CHD6: variants seen among roughly 807,000 people sequenced by gnomAD.
CHD6 encodes chromodomain helicase DNA binding protein 6.
A neutral mutation model predicts 276.9 loss-of-function variants in CHD6; 50 were observed. The ratio of observed to expected loss-of-function variants is 0.18; its 90% CI spans 0.14 to 0.23. CHD6 has a LOEUF of 0.23. CHD6 is among the 10% of genes least tolerant of loss of function. The pLI, the probability that CHD6 is intolerant of heterozygous loss-of-function variation, is 1.00. For missense variants in CHD6, 2,564 were observed against 3,365.8 expected (o/e 0.76, Z 5.89); for synonymous variants, 1,173 against 1,229.3 (o/e 0.95, Z 0.96).
At chr20:41,592,124 A>G (rs538031821) in intron 1 of CHD6, among the ~76,000 whole-genome samples, 9 of 152,158 alleles carry the variant, frequency 5.9e-5, no homozygotes, top group Non-Finnish European at 1.3e-4. Flanking sequence ...AAGAATTTCA[A>G]ATCAGACTCC....
chr20:41,566,103 C>T (rs2045352687), intron 1 of CHD6, among the ~76,000 whole-genome samples: 1 of 152,134 alleles, frequency 6.6e-6, no homozygotes, highest in Non-Finnish European at 1.5e-5. Flanking sequence ...AAAAAATTCA[C>T]TCCCATCTCC....
intron 27 of CHD6, among the ~76,000 whole-genome samples, chr20:41,426,495 C>G (rs1328890165): frequency 6.6e-6 from 1 of 152,102 alleles, no homozygotes; most frequent in Non-Finnish European, 1.5e-5. Context: ...TTTGCCTTAC[C>G]ATCGTCACTT....
chr20:41,505,650 T>A (rs760106498), intron 5 of CHD6, among the ~76,000 whole-genome samples: 15 of 152,260 alleles, frequency 9.9e-5, no homozygotes, highest in East Asian at 9.6e-4. Flanking sequence ...ATATATATAT[T>A]TTTTCCAATA....
intron 1 of CHD6, among the ~76,000 whole-genome samples, chr20:41,591,496 G>C (rs928039062): frequency 6.6e-6 from 1 of 151,604 alleles, no homozygotes. Context: ...TTCAAGACCA[G>C]CCTGGCCAAC....
chr20:41,512,184 C>T (rs1267936103), intron 5 of CHD6, among the ~76,000 whole-genome samples: 1 of 151,404 alleles, frequency 6.6e-6, no homozygotes, highest in Non-Finnish European at 1.5e-5. Flanking sequence ...ATGTTGATCT[C>T]GAACTCCTGG....
intron 6 of CHD6, among the ~76,000 whole-genome samples, chr20:41,499,031 G>A (rs2043766178): frequency 6.6e-6 from 1 of 151,940 alleles, no homozygotes. Flanking sequence ...ATTGTGGTGG[G>A]CTACAGCAAC....
Position 41,611,504 on chromosome 20 carries a change from G to C in CHD6, c.-24+6836C>G, listed in dbSNP as rs1246368751. On this transcript the variant is annotated intron_variant, in intron 1 of 36. Coordinates refer to ENST00000373233, the MANE Select transcript of CHD6 (RefSeq NM_032221.5). ...GGTTCTACTGAACAGTGCTGATCTAGAACAATGTTTCTCAAATTTTGATGT... is the reference window on the plus strand; with the variant it reads ...GGTTCTACTGAACAGTGCTGATCTACAACAATGTTTCTCAAATTTTGATGT... 2.0e-5 allele frequency among the ~76,000 whole-genome samples: 3 copies of C among 152,142 alleles called. No individual in the cohort carries two copies. The South Asian group carries it at 6.2e-4, about 32-fold the overall frequency.
intron 17 of CHD6, 90 bp from the exon 18 acceptor site, chr20:41,457,518 G>T: frequency 1.4e-6 from 2 of 1,430,038 alleles, no homozygotes; most frequent in Non-Finnish European, 1.9e-6. Context: ...ATGTCATGTG[G>T]TGTGAGTGGC....
intron 16 of CHD6, among the ~76,000 whole-genome samples, chr20:41,474,566 C>T (rs2043130323): frequency 6.6e-6 from 1 of 152,158 alleles, no homozygotes; most frequent in African/African-American, 2.4e-5. Flanking sequence ...GAGAAAAGAA[C>T]CAAATCACCC....
chr20:41,567,186 G>C (rs899188959), intron 1 of CHD6, among the ~76,000 whole-genome samples: 1 of 152,126 alleles, frequency 6.6e-6, no homozygotes, highest in Non-Finnish European at 1.5e-5. Context: ...TGCGCCATCA[G>C]GTCTGGCCTA....
intron 1 of CHD6, among the ~76,000 whole-genome samples, chr20:41,582,266 G>A (rs952630137): frequency 6.6e-6 from 1 of 152,208 alleles, no homozygotes; most frequent in Non-Finnish European, 1.5e-5. Flanking sequence ...GTCATTTGAT[G>A]CAAGAGCTGA....
intron 3 of CHD6, among the ~76,000 whole-genome samples, chr20:41,527,368 C>T (rs1180197107): frequency 1.3e-5 from 2 of 152,060 alleles, no homozygotes; most frequent in Non-Finnish European, 2.9e-5. Flanking sequence ...TTGCAGTGAG[C>T]CGAGATCACA....
At chr20:41,510,733 T>G in intron 5 of CHD6, among the ~76,000 whole-genome samples, 1 of 152,214 alleles carries the variant, frequency 6.6e-6, no homozygotes, top group East Asian at 1.9e-4. Flanking sequence ...GATTAATGGC[T>G]TAGGCCAAAT....
At chr20:41,610,085 G>C (rs2045870941) in intron 1 of CHD6, among the ~76,000 whole-genome samples, 1 of 151,982 alleles carries the variant, frequency 6.6e-6, no homozygotes, top group African/African-American at 2.4e-5. Flanking sequence ...TCGAACTCCT[G>C]ACATCAAGTG....
Position 41,422,075 on chromosome 20 carries a change from G to C in CHD6, c.4560C>G (p.Pro1520=). ...GTTCAACGTAGATGGTGGTATCTGG[G>C]GGACCTGGAGAGAAAGGGAAATAAA... ...CRLPTWKDGG[P]PDTTIYVEPI... is the part of the protein sequence containing the mutation. The change falls in exon 31 of 37, where the codon CCC becomes CCG. Residue 1520 remains proline, a synonymous_variant. Coordinates refer to ENST00000373233, the MANE Select transcript of CHD6 (RefSeq NM_032221.5). 1 of 1,602,974 alleles carries C rather than the reference G, an allele frequency of 6.2e-7. No individual in the cohort carries two copies. Among genetic ancestry groups the C allele is most frequent in the Non-Finnish European group, 8.5e-7 (1 of 1,172,650 alleles).
intron 6 of CHD6, among the ~76,000 whole-genome samples, chr20:41,498,778 T>C (rs2043748197): frequency 8.4e-6 from 1 of 118,564 alleles, no homozygotes; most frequent in Non-Finnish European, 1.6e-5. Flanking sequence ...GGTGTGTATG[T>C]GTGTATGTAT....
chr20:41,494,558 G>A (rs1346123652), intron 8 of CHD6, among the ~76,000 whole-genome samples: 1 of 152,152 alleles, frequency 6.6e-6, no homozygotes, highest in Non-Finnish European at 1.5e-5. Context: ...CTACCTTACG[G>A]AGTAGGTACT....
chr20:41,456,463 C>CA (rs140118871), intron 18 of CHD6, among the ~76,000 whole-genome samples: 1,791 of 151,400 alleles, frequency 0.012, 37 homozygotes, highest in African/African-American at 0.041. Context: ...GTGATCTTCT[C>CA]AAAAAAAACA....
intron 1 of CHD6, among the ~76,000 whole-genome samples, chr20:41,612,051 A>G (rs768498992): frequency 5.9e-5 from 9 of 152,262 alleles, no homozygotes; most frequent in Non-Finnish European, 1.2e-4. Flanking sequence ...AGACTTTCAT[A>G]AAACACCAGA....
Sources: allele counts gnomAD v4.1 joint callset (sites outside exome capture counted in the v4.1 genomes callset), GRCh38; gene constraint gnomAD v4.1.1; transcripts MANE v1.5; gene names NCBI Gene and HGNC (gene_info 2026-07-23, HGNC 2026-07-21).